CUX1: variants seen among roughly 807,000 people sequenced by gnomAD.
The protein encoded by CUX1 is cut like homeobox 1.
In CUX1, 31 loss-of-function variants were observed where a neutral mutation model predicts 158.8. The observed-to-expected ratio is 0.20, with a 90% CI of 0.15 to 0.26. The LOEUF (loss-of-function observed/expected upper bound fraction) is 0.26, where lower values mean the gene tolerates loss of function less well. Among genes scored for constraint, CUX1 ranks in the 10% least tolerant of loss-of-function variants. CUX1 has a pLI of 1.00. For synonymous variants in CUX1, 879 were observed against 862.1 expected, an observed-to-expected ratio of 1.02 and a Z score of -0.34; for missense variants, 1,589 against 2,014.6, an observed-to-expected ratio of 0.79 and a Z score of 4.04.
At chr7:102,176,572 T>C (rs1554512061) in intron 10 of CUX1, among the ~76,000 whole-genome samples, 1 of 140,768 alleles carries the variant, frequency 7.1e-6, no homozygotes, top group Admixed American at 7.1e-5. Context: ...TTTTTTTTTT[T>C]TTTTTTTTTT....
chr7:101,822,904 C>T (rs1192470743), intron 1 of CUX1, among the ~76,000 whole-genome samples: 1 of 124,314 alleles, frequency 8.0e-6, no homozygotes, highest in Admixed American at 8.6e-5. Context: ...GACTCTGTCT[C>T]AGAAAAAAAA....
chr7:101,912,403 G>A (rs993798199), intron 1 of CUX1, among the ~76,000 whole-genome samples: 2 of 152,200 alleles, frequency 1.3e-5, no homozygotes, highest in Non-Finnish European at 2.9e-5. Context: ...CCTGCAGGTG[G>A]ACACACAGAC....
intron 2 of CUX1, among the ~76,000 whole-genome samples, chr7:101,987,319 G>A (rs535599535): frequency 2.0e-5 from 3 of 152,282 alleles, no homozygotes; most frequent in East Asian, 3.9e-4. Flanking sequence ...CCCAAGCTAC[G>A]GGAAAGGGGT....
At chr7:101,912,033 G>C (rs1243420654) in intron 1 of CUX1, among the ~76,000 whole-genome samples, 1 of 152,202 alleles carries the variant, frequency 6.6e-6, no homozygotes, top group African/African-American at 2.4e-5. Context: ...TTTGCTGCTA[G>C]CCTGCCAGCT....
chr7:102,145,003 A>G (rs1413717620), intron 8 of CUX1, among the ~76,000 whole-genome samples: 1 of 149,184 alleles, frequency 6.7e-6, no homozygotes, highest in Non-Finnish European at 1.5e-5. Flanking sequence ...CAGTGGAATC[A>G]CCTGAACGGA....
At chr7:102,021,796 G>C (rs1326651693) in intron 2 of CUX1, among the ~76,000 whole-genome samples, 1 of 151,984 alleles carries the variant, frequency 6.6e-6, no homozygotes, top group Admixed American at 6.6e-5. Context: ...CCTGACCTCA[G>C]GTGATCTGCC....
chr7:102,132,059 G>C (rs1833303952), intron 8 of CUX1, among the ~76,000 whole-genome samples: 1 of 151,992 alleles, frequency 6.6e-6, no homozygotes, highest in Admixed American at 6.6e-5. Context: ...ATAATAAGGG[G>C]GTGGAAAAAC....
rs1554538084 is a variant in CUX1 at position 102,248,731 on chromosome 7, C to T, written c.4207C>T (p.Pro1403Ser). 2 of 1,111,962 alleles carry T rather than the reference C, an allele frequency of 1.8e-6. No individual in the cohort carries two copies. Among genetic ancestry groups the T allele is most frequent in the Middle Eastern group, 4.0e-4 (1 of 2,516 alleles). The allele number at this position is 1,111,962 out of a possible 1,614,324, so 68.9% of individuals were successfully genotyped here. The change falls in exon 24 of 24, where the codon CCC becomes TCC. Residue 1403 changes from proline to serine, a missense_variant. Physicochemically the swap from Pro to Ser is moderately conservative, Grantham distance 74. Coordinates refer to ENST00000292535, the MANE Select transcript of CUX1 (RefSeq NM_181552.4). The surrounding 1 kb of genome is among the most constrained non-coding windows in gnomAD (Gnocchi z 5.8). ...CCCCGTGGAAGGCCCGGGGCCCCTG[C>T]CCAGCCCCGCCTCCGCGACCGCCAC... Reference protein sequence around the residue: ...GGPVEGPGPLPSPASATATAA... With the variant: ...GGPVEGPGPLSSPASATATAA...
intron 2 of CUX1, among the ~76,000 whole-genome samples, chr7:102,015,731 C>T (rs759816766): frequency 2.6e-5 from 4 of 152,186 alleles, no homozygotes; most frequent in Non-Finnish European, 5.9e-5. Context: ...CTCATCCACC[C>T]GCTATGCATC....
chr7:101,848,935 G>T (rs1484607141), intron 1 of CUX1, among the ~76,000 whole-genome samples: 3 of 150,718 alleles, frequency 2.0e-5, no homozygotes, highest in Non-Finnish European at 1.5e-5. Context: ...TTGACTGTCT[G>T]GAGAGCTTGG....
intron 1 of CUX1, among the ~76,000 whole-genome samples, chr7:101,821,646 CTTTTCTTTTCTTTTTTTCTT>C (rs1792558237): frequency 9.9e-6 from 1 of 101,336 alleles, no homozygotes; most frequent in African/African-American, 3.7e-5. Context: ...CCCCTATTTT[CTTTTCTTTTCTTTTTTTCTT>C]TTTTCTTTTT....
At chr7:102,176,874 C>T (rs1395873842) in intron 10 of CUX1, among the ~76,000 whole-genome samples, 1 of 151,388 alleles carries the variant, frequency 6.6e-6, no homozygotes, top group African/African-American at 2.4e-5. Flanking sequence ...CACCTGGCCC[C>T]GTGATTACTT....
At chr7:102,046,839 C>G (rs770280421) in intron 3 of CUX1, among the ~76,000 whole-genome samples, 1 of 152,044 alleles carries the variant, frequency 6.6e-6, no homozygotes, top group Non-Finnish European at 1.5e-5. Context: ...CAAAGGCCTC[C>G]CAAAGTGTTG....
At chr7:101,839,918 C>T (rs1325258796) in intron 1 of CUX1, among the ~76,000 whole-genome samples, 1 of 152,142 alleles carries the variant, frequency 6.6e-6, no homozygotes, top group Admixed American at 6.5e-5. Context: ...TGCGCCACCA[C>T]ACCTGGCTAA....
chr7:102,151,884 G>A lies in CUX1; in HGVS notation c.675-6676G>A, dbSNP rs552958330. On this transcript the variant is annotated intron_variant, in intron 8 of 23. Coordinates refer to ENST00000292535, the MANE Select transcript of CUX1 (RefSeq NM_181552.4). ...ACTCAGCTAGTTGTATTTTTCTTTC[G>A]GCTTTTAAAAAAGAATACCTCCTTA... 6.6e-5 allele frequency among the ~76,000 whole-genome samples: 10 copies of A among 151,954 alleles called. No homozygotes were observed. In the South Asian group the frequency reaches 1.0e-3, roughly 16 times the overall value.
At chr7:101,994,580 G>A (rs1175181620) in intron 2 of CUX1, among the ~76,000 whole-genome samples, 1 of 152,168 alleles carries the variant, frequency 6.6e-6, no homozygotes, top group Non-Finnish European at 1.5e-5. Flanking sequence ...TAGCCTGGGT[G>A]ACAGAGCGAG....
At chr7:102,080,870 A>G (rs1185915459) in intron 4 of CUX1, among the ~76,000 whole-genome samples, 1 of 152,246 alleles carries the variant, frequency 6.6e-6, no homozygotes, top group African/African-American at 2.4e-5. Context: ...AGAGCGACTT[A>G]GTTGACGATA....
rs753550641 is a variant in CUX1 at position 102,135,087 on chromosome 7, TTGACC to T, written c.674+19815_674+19819del. On this transcript the variant is annotated intron_variant, in intron 8 of 23. Coordinates refer to ENST00000292535, the MANE Select transcript of CUX1 (RefSeq NM_181552.4). ...CACTGTCCAAAAGAATCGTGTATAG[TTGACC>T]CTTGAACAACACAGGGGTTAGAGGC... Among the ~76,000 whole-genome samples, 200 of 152,234 alleles carry T rather than the reference TTGACC, an allele frequency of 1.3e-3. 1 individual carries two copies. Among genetic ancestry groups the T allele is most frequent in the South Asian group, 2.7e-3 (13 of 4,820 alleles).
chr7:101,894,161 T>C (rs541233834), intron 1 of CUX1, among the ~76,000 whole-genome samples: 1 of 152,298 alleles, frequency 6.6e-6, no homozygotes, highest in South Asian at 2.1e-4. Context: ...AGTAGGAGAA[T>C]GTCTTATGTA....
Sources: allele counts gnomAD v4.1 joint callset (sites outside exome capture counted in the v4.1 genomes callset), GRCh38; gene constraint gnomAD v4.1.1; non-coding constraint Gnocchi (gnomAD v3.1); transcripts MANE v1.5; gene names NCBI Gene and HGNC (gene_info 2026-07-23, HGNC 2026-07-21).